IQCJ: variants seen among roughly 807,000 people sequenced by gnomAD.
IQCJ encodes IQ motif containing J.
In IQCJ, 9 loss-of-function variants were observed where a neutral mutation model predicts 11.0. That is an observed-to-expected ratio of 0.82 (90% CI 0.49 to 1.43). The LOEUF is 1.43. IQCJ is among the 40% of genes most tolerant of loss of function. The probability of loss-of-function intolerance (pLI) is 0.00; values close to 1 mark genes in which losing one functional copy is unlikely to be tolerated. For missense variants in IQCJ, 146 were observed against 133.2 expected (o/e 1.10, Z -0.47); for synonymous variants, 55 against 51.3 (o/e 1.07, Z -0.31).
chr3:159,143,268 C>A (rs891776149), intron 1 of IQCJ, among the ~76,000 whole-genome samples: 1 of 152,204 alleles, frequency 6.6e-6, no homozygotes, highest in Non-Finnish European at 1.5e-5. Context: ...GGGCCTAAAT[C>A]ACATCTTTAT....
intron 1 of IQCJ, among the ~76,000 whole-genome samples, chr3:159,146,965 T>C (rs949287703): frequency 1.3e-5 from 2 of 151,716 alleles, no homozygotes; most frequent in Non-Finnish European, 2.9e-5. Flanking sequence ...GTTATTAAAA[T>C]AAATGAACAA....
intron 1 of IQCJ, among the ~76,000 whole-genome samples, chr3:159,170,709 G>C (rs1722442053): frequency 6.6e-6 from 1 of 151,776 alleles, no homozygotes; most frequent in Non-Finnish European, 1.5e-5. Flanking sequence ...CCTTAGCTGG[G>C]GTAATGTGCT....
intron 1 of IQCJ, among the ~76,000 whole-genome samples, chr3:159,102,678 A>G (rs892186695): frequency 6.6e-6 from 1 of 152,220 alleles, no homozygotes; most frequent in Non-Finnish European, 1.5e-5. Flanking sequence ...AAAAATAAAT[A>G]GTTAGCTTTG....
chr3:159,214,519 A>G (rs1011731699), intron 1 of IQCJ, among the ~76,000 whole-genome samples: 1 of 152,240 alleles, frequency 6.6e-6, no homozygotes, highest in Non-Finnish European at 1.5e-5. Flanking sequence ...TTTCAGATTC[A>G]GGCTTTTCAC....
intron 1 of IQCJ, among the ~76,000 whole-genome samples, chr3:159,181,931 C>G (rs1280536283): frequency 6.9e-6 from 1 of 144,454 alleles, no homozygotes; most frequent in Non-Finnish European, 1.5e-5. Flanking sequence ...ATGCCATTCC[C>G]CTCTTAAATT....
At chr3:159,179,092 A>G (rs556267576) in intron 1 of IQCJ, among the ~76,000 whole-genome samples, 2 of 152,312 alleles carry the variant, frequency 1.3e-5, no homozygotes, top group African/African-American at 4.8e-5. Context: ...ATGTCCGTGA[A>G]CAGGAGTTAT....
chr3:159,257,150 T>A (rs995002957), intron 3 of IQCJ, among the ~76,000 whole-genome samples: 30 of 152,340 alleles, frequency 2.0e-4, no homozygotes, highest in African/African-American at 6.5e-4. Flanking sequence ...CACCTACTTG[T>A]CATATATCCC....
intron 3 of IQCJ, among the ~76,000 whole-genome samples, chr3:159,259,801 A>G (rs1269539242): frequency 6.6e-6 from 1 of 152,226 alleles, no homozygotes. Flanking sequence ...CCCAAATGCT[A>G]ATTTAAAGAC....
At chr3:159,133,360 T>C (rs899120782) in intron 1 of IQCJ, among the ~76,000 whole-genome samples, 2 of 152,246 alleles carry the variant, frequency 1.3e-5, no homozygotes, top group African/African-American at 2.4e-5. Flanking sequence ...TTCATTGTCT[T>C]AGAAAACATG....
At chr3:159,233,243 C>G (rs1011705345) in intron 1 of IQCJ, among the ~76,000 whole-genome samples, 2 of 152,078 alleles carry the variant, frequency 1.3e-5, no homozygotes, top group African/African-American at 4.8e-5. Flanking sequence ...TCACACAGAA[C>G]TTGGTATGAA....
At chr3:159,110,645 G>A (rs924098613) in intron 1 of IQCJ, among the ~76,000 whole-genome samples, 23 of 152,058 alleles carry the variant, frequency 1.5e-4, no homozygotes, top group Non-Finnish European at 2.9e-5. Flanking sequence ...AGGAGGGGCC[G>A]TCTTTCTTAT....
intron 1 of IQCJ, among the ~76,000 whole-genome samples, chr3:159,139,775 T>C (rs1720497278): frequency 1.3e-5 from 2 of 152,226 alleles, no homozygotes; most frequent in African/African-American, 4.8e-5. Flanking sequence ...CTTGAGCAAA[T>C]AGTTATTGAG....
chr3:159,162,085 G>A (rs1280577185), intron 1 of IQCJ, among the ~76,000 whole-genome samples: 1 of 152,166 alleles, frequency 6.6e-6, no homozygotes, highest in Non-Finnish European at 1.5e-5. Flanking sequence ...TTGGTACCTT[G>A]ATGGGGATGG....
intron 1 of IQCJ, among the ~76,000 whole-genome samples, chr3:159,193,255 T>G (rs548990960): frequency 6.6e-6 from 1 of 152,288 alleles, no homozygotes; most frequent in African/African-American, 2.4e-5. Flanking sequence ...TTTCACCAAG[T>G]GGGTTACTAA....
intron 1 of IQCJ, among the ~76,000 whole-genome samples, chr3:159,167,570 T>C (rs1722241634): frequency 6.6e-6 from 1 of 152,224 alleles, no homozygotes; most frequent in Non-Finnish European, 1.5e-5. Flanking sequence ...TGGAATATAA[T>C]GCTATATTTA....
chr3:159,093,579 A>G (rs1717501518), intron 1 of IQCJ, among the ~76,000 whole-genome samples: 1 of 151,726 alleles, frequency 6.6e-6, no homozygotes, highest in Non-Finnish European at 1.5e-5. Context: ...CTTCATTTTC[A>G]TGATGAGGAG....
intron 1 of IQCJ, among the ~76,000 whole-genome samples, chr3:159,241,120 G>A (rs1726893251): frequency 6.6e-6 from 1 of 151,694 alleles, no homozygotes; most frequent in African/African-American, 2.4e-5. Flanking sequence ...TTTAAAGTGA[G>A]AGAATCTGGC....
intron 1 of IQCJ, among the ~76,000 whole-genome samples, chr3:159,180,524 A>G (rs960927604): frequency 1.3e-5 from 2 of 151,636 alleles, no homozygotes; most frequent in African/African-American, 4.9e-5. Context: ...CTGCTCTTTA[A>G]AAAGAGTATA....
At chr3:159,241,737 CA>C (rs1306257912) in intron 1 of IQCJ, among the ~76,000 whole-genome samples, 1 of 152,224 alleles carries the variant, frequency 6.6e-6, no homozygotes, top group Admixed American at 6.5e-5. Context: ...ATTGGTTGAG[CA>C]ACTACTATGT....
Sources: allele counts gnomAD v4.1 joint callset (sites outside exome capture counted in the v4.1 genomes callset), GRCh38; gene constraint gnomAD v4.1.1; transcripts MANE v1.5; gene names NCBI Gene and HGNC (gene_info 2026-07-23, HGNC 2026-07-21).